The following MACROD2 variants were observed in gnomAD, a reference collection of about 807,000 sequenced individuals.
The protein encoded by MACROD2 is ADP-ribose glycohydrolase MACROD2.
A neutral mutation model predicts 70.4 loss-of-function variants in MACROD2; 36 were observed. That is an observed-to-expected ratio of 0.51 (90% CI 0.39 to 0.68). The LOEUF (loss-of-function observed/expected upper bound fraction) is 0.68. MACROD2 is among the 30% of genes least tolerant of loss of function. MACROD2 has a pLI of 0.00. For missense variants in MACROD2, 496 were observed against 538.4 expected (o/e 0.92, Z 0.78); for synonymous variants, 172 against 178.8 (o/e 0.96, Z 0.30).
At chr20:14,017,583 C>T (rs4813149) in intron 2 of MACROD2, among the ~76,000 whole-genome samples, 26,682 of 151,966 alleles carry the variant, frequency 0.18, 2,560 homozygotes, top group South Asian at 0.23. Flanking sequence ...TCATGTAGTT[C>T]ACATCCTTCA....
At chr20:14,273,557 T>C (rs59790969) in intron 3 of MACROD2, among the ~76,000 whole-genome samples, 1 of 144,384 alleles carries the variant, frequency 6.9e-6, no homozygotes, top group Non-Finnish European at 1.5e-5. Flanking sequence ...GATCCAAAAT[T>C]GACACCCTAA....
At chr20:15,728,712 G>A (rs1214841470) in intron 8 of MACROD2, among the ~76,000 whole-genome samples, 1 of 152,012 alleles carries the variant, frequency 6.6e-6, no homozygotes, top group Non-Finnish European at 1.5e-5. Context: ...ATCTCTGAGA[G>A]TTTTTTCTAT....
chr20:15,083,344 C>T (rs918631615), intron 5 of MACROD2, among the ~76,000 whole-genome samples: 2 of 152,142 alleles, frequency 1.3e-5, no homozygotes, highest in Non-Finnish European at 2.9e-5. Flanking sequence ...CTATTTTCTT[C>T]TTTCACTAAA....
intron 3 of MACROD2, among the ~76,000 whole-genome samples, chr20:14,486,917 T>C (rs1228185025): frequency 4.0e-5 from 6 of 151,832 alleles, no homozygotes; most frequent in Non-Finnish European, 8.8e-5. Flanking sequence ...TGGGCTTACA[T>C]AATTATTTTT....
At chr20:15,262,920 C>T (rs2077261627) in intron 6 of MACROD2, among the ~76,000 whole-genome samples, 1 of 151,940 alleles carries the variant, frequency 6.6e-6, no homozygotes, top group African/African-American at 2.4e-5. Flanking sequence ...GTTTGAGCTC[C>T]TTATATATTC....
intron 2 of MACROD2, among the ~76,000 whole-genome samples, chr20:14,037,855 C>A (rs1055544615): frequency 5.9e-5 from 9 of 151,526 alleles, no homozygotes; most frequent in Non-Finnish European, 8.8e-5. Context: ...CAAAAAAAAA[C>A]CCCAAGAAAA....
At chr20:15,091,560 G>A (rs1394074112) in intron 5 of MACROD2, among the ~76,000 whole-genome samples, 1 of 151,994 alleles carries the variant, frequency 6.6e-6, no homozygotes, top group East Asian at 1.9e-4. Flanking sequence ...TCTGCAAACT[G>A]TAATGCTTTA....
chr20:14,290,391 T>G (rs901417429), intron 3 of MACROD2, among the ~76,000 whole-genome samples: 2 of 152,154 alleles, frequency 1.3e-5, no homozygotes, highest in Non-Finnish European at 2.9e-5. Context: ...TGGGGCTGCT[T>G]TAAGAATCTT....
At chr20:15,749,098 T>G (rs2051229871) in intron 8 of MACROD2, among the ~76,000 whole-genome samples, 1 of 152,208 alleles carries the variant, frequency 6.6e-6, no homozygotes, top group African/African-American at 2.4e-5. Context: ...GTTCTTGACT[T>G]GAACTTTAAT....
At chr20:15,237,802 T>C (rs1224649040) in intron 6 of MACROD2, among the ~76,000 whole-genome samples, 1 of 152,134 alleles carries the variant, frequency 6.6e-6, no homozygotes, top group Admixed American at 6.5e-5. Flanking sequence ...ATTTTTTTTT[T>C]TTATCTTTCC....
At chr20:15,732,435 A>T (rs1044066949) in intron 8 of MACROD2, among the ~76,000 whole-genome samples, 2 of 152,176 alleles carry the variant, frequency 1.3e-5, no homozygotes, top group African/African-American at 4.8e-5. Context: ...AAGAATCAAT[A>T]TTCTTTATCA....
At chr20:15,813,570 G>A (rs565744644) in intron 8 of MACROD2, among the ~76,000 whole-genome samples, 160 of 152,304 alleles carry the variant, frequency 1.1e-3, no homozygotes, top group Non-Finnish European at 2.1e-3. Context: ...TTGAGCTCAT[G>A]AGTTCAAGAC....
intron 5 of MACROD2, among the ~76,000 whole-genome samples, chr20:15,014,482 G>A (rs566238712): frequency 1.3e-5 from 2 of 152,188 alleles, no homozygotes; most frequent in South Asian, 2.1e-4. Flanking sequence ...CAAACATCAC[G>A]TGCACTATAC....
At chr20:14,629,113 C>T (rs1321559913) in intron 4 of MACROD2, among the ~76,000 whole-genome samples, 1 of 152,070 alleles carries the variant, frequency 6.6e-6, no homozygotes, top group Non-Finnish European at 1.5e-5. Context: ...AACAGGTGCT[C>T]CCAAAGGCAA....
At chr20:14,347,739 A>C (rs2083078693) in intron 3 of MACROD2, among the ~76,000 whole-genome samples, 3 of 152,200 alleles carry the variant, frequency 2.0e-5, no homozygotes. Context: ...CATTTGCTTT[A>C]GAAGAATGAA....
At chr20:14,165,520 T>C (rs1160258770) in intron 3 of MACROD2, among the ~76,000 whole-genome samples, 1 of 152,230 alleles carries the variant, frequency 6.6e-6, no homozygotes, top group Non-Finnish European at 1.5e-5. Flanking sequence ...GGGTTCTTCT[T>C]TGTGGAAGAG....
intron 2 of MACROD2, among the ~76,000 whole-genome samples, chr20:14,037,643 G>T (rs112785426): frequency 1.7e-5 from 2 of 120,748 alleles, no homozygotes; most frequent in South Asian, 5.0e-4. Flanking sequence ...GTGTGTGTTG[G>T]TGGGGGGGGT....
intron 3 of MACROD2, among the ~76,000 whole-genome samples, chr20:14,150,499 A>G (rs2055003554): frequency 6.6e-6 from 1 of 152,240 alleles, no homozygotes; most frequent in South Asian, 2.1e-4. Context: ...TCTTTCTTCT[A>G]AATGCAAGCA....
intron 6 of MACROD2, among the ~76,000 whole-genome samples, chr20:15,366,278 A>G (rs2045408253): frequency 6.6e-6 from 1 of 152,140 alleles, no homozygotes; most frequent in Admixed American, 6.6e-5. Context: ...TCCCCCCACT[A>G]GTATCCTTCC....
Sources: allele counts gnomAD v4.1 joint callset (sites outside exome capture counted in the v4.1 genomes callset), GRCh38; gene constraint gnomAD v4.1.1; transcripts MANE v1.5; gene names NCBI Gene and HGNC (gene_info 2026-07-23, HGNC 2026-07-21).